The following LIPI variants were observed in gnomAD, a reference collection of about 807,000 sequenced individuals.
LIPI encodes lipase member I.
A neutral mutation model predicts 50.6 loss-of-function variants in LIPI; 59 were observed. The observed-to-expected ratio is 1.16, with a 90% CI of 0.94 to 1.45. The LOEUF is 1.45. LIPI is among the 40% of genes most tolerant of loss of function. The pLI, the probability that LIPI is intolerant of heterozygous loss-of-function variation, is 0.00. For missense variants in LIPI, 586 were observed against 536.3 expected, an observed-to-expected ratio of 1.09 and a Z score of -0.92; for synonymous variants, 203 against 178.2, an observed-to-expected ratio of 1.14 and a Z score of -1.11.
Position 14,166,400 on chromosome 21 carries a change from C to T in LIPI, c.695G>A (p.Gly232Glu), listed in dbSNP as rs776761043. The T allele has an allele frequency of 3.7e-6, 6 of 1,610,368 alleles. No individual in the cohort carries two copies. Among genetic ancestry groups the T allele is most frequent in the South Asian group, 1.1e-5 (1 of 90,980 alleles). ...TTTAGGACAGCCAGGTTGTTTATTT[C>T]CTCCATTTGGATAAAAATCTATATG... is the stretch of plus-strand genomic sequence containing the variant. ...LGHIDFYPNG[G>E]NKQPGCPKSI... Residue 232 changes from glycine to glutamate, a missense_variant, in exon 5 of 10, where the codon GGA becomes GAA. Transcript: ENST00000681601.
intron 9 of LIPI, among the ~76,000 whole-genome samples, chr21:14,133,880 T>C (rs146749380): frequency 9.2e-5 from 14 of 152,266 alleles, no homozygotes; most frequent in Middle Eastern, 3.4e-3. Context: ...CATTTTGCAA[T>C]GCTACAACAC....
rs2019776312 is a variant in LIPI at position 14,194,437 on chromosome 21, T to C, written c.47-5018A>G. ...CAACAGGTGAATGAACAAAACCTGG[T>C]AGATATCTAGAATGGAATATTGTTC... On this transcript the variant is annotated intron_variant, in intron 1 of 9. Transcript: ENST00000681601. 2.0e-5 allele frequency among the ~76,000 whole-genome samples: 3 copies of C among 152,108 alleles called. No individual in the cohort carries two copies. In the South Asian group the frequency reaches 6.2e-4, roughly 31 times the overall value.
At position 14,126,427 on chromosome 21, in the gene LIPI, A is replaced by G. The variant is rs542184974; in HGVS notation, c.1296-17347T>C. ...ATTTTATATGTATATGGTTAAGTGA[A>G]ATAAACAATATTTAAAAGACCTCAT... On this transcript the variant is annotated intron_variant, in intron 9 of 9. Coordinates refer to ENST00000681601, the MANE Select transcript of LIPI (RefSeq NM_001302998.2). 1.2e-4 allele frequency among the ~76,000 whole-genome samples: 19 copies of G among 152,300 alleles called. 2 individuals are homozygous for G. The highest frequency in any genetic ancestry group is 1.2e-3 in the South Asian group (6 of 4,832).
intron 7 of LIPI, among the ~76,000 whole-genome samples, chr21:14,160,023 AT>A (rs2018407123): frequency 6.6e-6 from 1 of 151,452 alleles, no homozygotes; most frequent in Admixed American, 6.6e-5. Context: ...ATGAATTAGA[AT>A]ATTCAGCATG....
At chr21:14,179,920 G>A (rs1036258791) in intron 4 of LIPI, among the ~76,000 whole-genome samples, 7 of 152,172 alleles carry the variant, frequency 4.6e-5, no homozygotes, top group African/African-American at 1.4e-4. Flanking sequence ...CTGTGGGGTC[G>A]GGCAAAAAGA....
At chr21:14,111,253 T>C (rs979949438) in intron 9 of LIPI, among the ~76,000 whole-genome samples, 12 of 152,050 alleles carry the variant, frequency 7.9e-5, no homozygotes, top group African/African-American at 2.9e-4. Context: ...ACATTTGTTA[T>C]AACTTTTGTC....
At chr21:14,172,245 A>G (rs1186684046) in intron 4 of LIPI, among the ~76,000 whole-genome samples, 1 of 151,488 alleles carries the variant, frequency 6.6e-6, no homozygotes, top group Non-Finnish European at 1.5e-5. Context: ...GTGGAGAAAT[A>G]GGAACACTTT....
Position 14,189,301 on chromosome 21 carries a change from A to G in LIPI, c.165T>C (p.Cys55=), listed in dbSNP as rs779668242. The G allele has an allele frequency of 3.1e-6, 5 of 1,613,962 alleles. No homozygotes were observed. Among genetic ancestry groups the G allele is most frequent in the Non-Finnish European group, 4.2e-6 (5 of 1,179,854 alleles). The change falls in exon 2 of 10, where the codon TGT becomes TGC. Residue 55 remains cysteine, a synonymous_variant. Transcript: ENST00000681601. ...LMMYTRNNLN[C]AEPLFEQNNS... ...TATTTTGTTCAAACAGTGGCTCAGC[A>G]CAGTTTAGGTTGTTCCTTGTATACA...
At chr21:14,161,425 G>C (rs913858465) in intron 7 of LIPI, among the ~76,000 whole-genome samples, 8 of 137,252 alleles carry the variant, frequency 5.8e-5, no homozygotes, top group Admixed American at 7.7e-5. Context: ...ATATACATGA[G>C]TATAATATCA....
intron 6 of LIPI, among the ~76,000 whole-genome samples, chr21:14,164,971 G>A (rs2018624123): frequency 6.6e-6 from 1 of 152,134 alleles, no homozygotes; most frequent in Non-Finnish European, 1.5e-5. Flanking sequence ...TCATTATAAA[G>A]CCATCTAATC....
chr21:14,140,116 C>T (rs899806678), intron 9 of LIPI, among the ~76,000 whole-genome samples: 23 of 152,134 alleles, frequency 1.5e-4, no homozygotes, highest in Non-Finnish European at 3.1e-4. Context: ...TATAGGACAA[C>T]AAATTATAGG....
chr21:14,119,139 T>G (rs2016768578), intron 9 of LIPI, among the ~76,000 whole-genome samples: 1 of 152,162 alleles, frequency 6.6e-6, no homozygotes, highest in Non-Finnish European at 1.5e-5. Flanking sequence ...TGGGCCCATC[T>G]CAGTATACCT....
intron 9 of LIPI, among the ~76,000 whole-genome samples, chr21:14,140,067 C>T (rs188169753): frequency 8.2e-4 from 125 of 152,198 alleles, no homozygotes; most frequent in Non-Finnish European, 3.2e-4. Flanking sequence ...AGAGGTGTGA[C>T]ATAACCCACT....
intron 1 of LIPI, among the ~76,000 whole-genome samples, chr21:14,191,903 G>C (rs1349843804): frequency 6.6e-6 from 1 of 152,268 alleles, no homozygotes; most frequent in South Asian, 2.1e-4. Flanking sequence ...TTGTAACAGT[G>C]CAAAGTCCTC....
chr21:14,154,421 AG>A (rs1307284228), intron 7 of LIPI, among the ~76,000 whole-genome samples: 2 of 152,088 alleles, frequency 1.3e-5, no homozygotes, highest in Non-Finnish European at 2.9e-5. Flanking sequence ...ACTATTGAAA[AG>A]CTACTACTAG....
chr21:14,152,071 T>TTTTA (rs71819029), intron 8 of LIPI, among the ~76,000 whole-genome samples: 2,001 of 143,484 alleles, frequency 0.014, 19 homozygotes, highest in Non-Finnish European at 0.016. Context: ...CTTTAACTTA[T>TTTTA]TTTATTTATT....
chr21:14,172,041 C>A (rs1177931475), intron 4 of LIPI, among the ~76,000 whole-genome samples: 1 of 152,108 alleles, frequency 6.6e-6, no homozygotes, highest in Admixed American at 6.6e-5. Flanking sequence ...ACAACCCCAT[C>A]AAAAAATGGG....
intron 8 of LIPI, among the ~76,000 whole-genome samples, chr21:14,145,294 C>T (rs933707453): frequency 2.0e-5 from 3 of 152,144 alleles, no homozygotes; most frequent in Non-Finnish European, 4.4e-5. Flanking sequence ...GCTTTACATG[C>T]TTAACCTCAT....
chr21:14,189,048 T>G lies in LIPI; in HGVS notation c.418A>C (p.Ile140Leu), dbSNP rs922068615. ...RKVAVSLSVH[I>L]KNLLKHGASL... is the part of the protein sequence containing the mutation. ...CCCAGACTTACCAAAAGATTTTTAA[T>G]GTGCACACTCAAACTCACAGCAACT... The change falls in exon 2 of 10, where the codon ATT (isoleucine) becomes CTT (leucine). Residue 140 changes from isoleucine to leucine, a missense_variant. Coordinates refer to ENST00000681601, the MANE Select transcript of LIPI (RefSeq NM_001302998.2). 6.2e-7 allele frequency: 1 copy of G among 1,605,606 alleles called. No individual in the cohort carries two copies. The highest frequency in any genetic ancestry group is 8.5e-7 in the Non-Finnish European group (1 of 1,179,796).
Sources: allele counts gnomAD v4.1 joint callset (sites outside exome capture counted in the v4.1 genomes callset), GRCh38; gene constraint gnomAD v4.1.1; transcripts MANE v1.5; gene names NCBI Gene and HGNC (gene_info 2026-07-23, HGNC 2026-07-21).